The following NCKAP5 variants were observed in gnomAD, a reference collection of about 807,000 sequenced individuals.
The protein encoded by NCKAP5 is NCK associated protein 5.
In NCKAP5, 92 loss-of-function variants were observed where a neutral mutation model predicts 167.0. That is an observed-to-expected ratio of 0.55 (90% CI 0.47 to 0.66). NCKAP5 has a LOEUF of 0.66. Among genes scored for constraint, NCKAP5 ranks in the 30% least tolerant of loss-of-function variants. The probability of loss-of-function intolerance (pLI) is 0.00; values close to 1 mark genes in which losing one functional copy is unlikely to be tolerated. For missense variants in NCKAP5, 2,378 were observed against 2,315.0 expected (o/e 1.03, Z -0.56); for synonymous variants, 891 against 877.4 (o/e 1.02, Z -0.27).
At chr2:133,219,631 G>T (rs2150197569) in intron 4 of NCKAP5, among the ~76,000 whole-genome samples, 1 of 151,764 alleles carries the variant, frequency 6.6e-6, no homozygotes, top group South Asian at 2.1e-4. Context: ...CAACAAATAA[G>T]GGATTCCTCA....
chr2:133,344,590 G>C (rs186017366), intron 3 of NCKAP5, among the ~76,000 whole-genome samples: 4 of 152,150 alleles, frequency 2.6e-5, no homozygotes, highest in African/African-American at 7.2e-5. Flanking sequence ...TAGGCAAGAA[G>C]TGCAAATCGC....
At chr2:133,192,447 T>G (rs1243924272) in intron 5 of NCKAP5, among the ~76,000 whole-genome samples, 1 of 152,094 alleles carries the variant, frequency 6.6e-6, no homozygotes, top group Admixed American at 6.6e-5. Flanking sequence ...GAAATATCCA[T>G]GTTAAGAGGA....
chr2:132,975,402 A>G (rs899635253), intron 7 of NCKAP5, among the ~76,000 whole-genome samples: 7 of 152,158 alleles, frequency 4.6e-5, no homozygotes, highest in East Asian at 1.9e-4. Context: ...CCTCCTCAAC[A>G]TTGCCGATTG....
At chr2:133,319,047 C>CA (rs1681828748) in intron 3 of NCKAP5, among the ~76,000 whole-genome samples, 1 of 152,016 alleles carries the variant, frequency 6.6e-6, no homozygotes, top group African/African-American at 2.4e-5. Context: ...GTTTTAGGAG[C>CA]CCTCCAGGTG....
chr2:133,402,826 A>C (rs1688186525), intron 3 of NCKAP5, among the ~76,000 whole-genome samples: 1 of 152,176 alleles, frequency 6.6e-6, no homozygotes, highest in Non-Finnish European at 1.5e-5. Flanking sequence ...TGTAAGCCAA[A>C]ATAAACCTCT....
At chr2:133,050,328 T>A (rs1235658870) in intron 6 of NCKAP5, among the ~76,000 whole-genome samples, 6 of 150,852 alleles carry the variant, frequency 4.0e-5, no homozygotes, top group Non-Finnish European at 8.9e-5. Context: ...AAAAAAAAAA[T>A]GGGGGAGAAA....
chr2:133,099,584 CA>C (rs1031120744), intron 6 of NCKAP5, among the ~76,000 whole-genome samples: 1 of 152,172 alleles, frequency 6.6e-6, no homozygotes, highest in Non-Finnish European at 1.5e-5. Context: ...CTTCTAAAAA[CA>C]CAGGTGATTT....
chr2:133,661,311 A>G, the NCKAP5 span, among the ~76,000 whole-genome samples: 23 of 152,312 alleles, frequency 1.5e-4, 1 homozygote, highest in Middle Eastern at 3.4e-3. Flanking sequence ...CTTAGACACA[A>G]TATGCCCAGA....
intron 3 of NCKAP5, among the ~76,000 whole-genome samples, chr2:133,344,062 C>A (rs555724095): frequency 1.3e-5 from 2 of 152,130 alleles, no homozygotes; most frequent in Non-Finnish European, 2.9e-5. Flanking sequence ...AGGTGTCAGT[C>A]ATTCTTTGAT....
At chr2:133,605,076 T>C in the NCKAP5 span, among the ~76,000 whole-genome samples, 1 of 152,308 alleles carries the variant, frequency 6.6e-6, no homozygotes, top group South Asian at 2.1e-4. Context: ...TTAATACAGA[T>C]TTATCTACCT....
chr2:133,259,617 A>G (rs896412248), intron 4 of NCKAP5, among the ~76,000 whole-genome samples: 2 of 152,204 alleles, frequency 1.3e-5, no homozygotes, highest in South Asian at 4.1e-4. Context: ...GTTCTACAAA[A>G]TCATCACCAG....
intron 6 of NCKAP5, among the ~76,000 whole-genome samples, chr2:133,077,731 T>G (rs1227756971): frequency 6.6e-6 from 1 of 152,154 alleles, no homozygotes; most frequent in Non-Finnish European, 1.5e-5. Context: ...CCATTCAAAC[T>G]CCTACAAGTT....
intron 8 of NCKAP5, among the ~76,000 whole-genome samples, chr2:132,959,800 G>A (rs1255181926): frequency 1.3e-5 from 2 of 152,170 alleles, no homozygotes; most frequent in African/African-American, 4.8e-5. Flanking sequence ...GTGCTGTTGA[G>A]AATGGTGAGC....
At chr2:132,993,437 G>A (rs2077502335) in intron 7 of NCKAP5, among the ~76,000 whole-genome samples, 1 of 152,176 alleles carries the variant, frequency 6.6e-6, no homozygotes, top group Non-Finnish European at 1.5e-5. Flanking sequence ...TTAAAGGACA[G>A]TGGGATAAGG....
chr2:133,130,230 C>T, intron 5 of NCKAP5, 119 bp from the exon 6 acceptor site: 1 of 1,111,848 alleles, frequency 9.0e-7, no homozygotes, highest in Non-Finnish European at 1.2e-6. Flanking sequence ...TTTGAACAAC[C>T]CCACGAAGTA....
the NCKAP5 span, among the ~76,000 whole-genome samples, chr2:133,595,237 T>C: frequency 6.6e-6 from 1 of 152,092 alleles, no homozygotes; most frequent in Non-Finnish European, 1.5e-5. Flanking sequence ...TTGTTTTGTA[T>C]TGTTTTGTTC....
At position 132,785,687 on chromosome 2, in the gene NCKAP5, C is replaced by G. The variant is rs143461901; in HGVS notation, c.1124G>C (p.Ser375Thr). The G allele has an allele frequency of 3.5e-4, 530 of 1,502,654 alleles. No individual in the cohort carries two copies. Among genetic ancestry groups the G allele is most frequent in the Non-Finnish European group, 4.4e-4 (501 of 1,127,416 alleles). The allele number at this position is 1,502,654 out of a possible 1,614,324, so 93.1% of individuals were successfully genotyped here. ...GCCACTTGGGAGCGAAGAATCAATA[C>G]TTAGCCTTTTATCCCAGTTTTGTGA... is the stretch of plus-strand genomic sequence containing the variant. ...QSSQNWDKRLSIDSSLPSGFA... is the reference protein window; with the variant it reads ...QSSQNWDKRLTIDSSLPSGFA... The change falls in exon 14 of 20, where the codon AGT becomes ACT. Residue 375 changes from serine (S) to threonine (T), a missense_variant. Physicochemically the swap from Ser to Thr is moderately conservative, Grantham distance 58. Transcript: ENST00000409261.
At chr2:133,473,062 G>A (rs543099201) in intron 3 of NCKAP5, among the ~76,000 whole-genome samples, 16 of 152,242 alleles carry the variant, frequency 1.1e-4, no homozygotes, top group South Asian at 2.1e-4. Flanking sequence ...GGCCGGGCGC[G>A]ATGGCTCACA....
intron 2 of NCKAP5, among the ~76,000 whole-genome samples, chr2:133,517,855 A>G (rs1684140932): frequency 6.6e-6 from 1 of 152,138 alleles, no homozygotes; most frequent in African/African-American, 2.4e-5. Flanking sequence ...AGAAAAAAGC[A>G]AACAGTCCGT....
Sources: allele counts gnomAD v4.1 joint callset (sites outside exome capture counted in the v4.1 genomes callset), GRCh38; gene constraint gnomAD v4.1.1; transcripts MANE v1.5; gene names NCBI Gene and HGNC (gene_info 2026-07-23, HGNC 2026-07-21).